Variants in RHOD observed in about 807,000 individuals in gnomAD.
RHOD encodes ras homolog family member D.
In RHOD, 11 loss-of-function variants were observed where a neutral mutation model predicts 16.7. The ratio of observed to expected loss-of-function variants is 0.66; its 90% confidence interval spans 0.41 to 1.09. RHOD has a LOEUF of 1.09. Among genes scored for constraint, RHOD ranks in the 50% least tolerant of loss-of-function variants. RHOD has a pLI of 0.00. For synonymous variants in RHOD, 124 were observed against 126.3 expected (o/e 0.98, Z 0.12); for missense variants, 271 against 291.7 (o/e 0.93, Z 0.52).
rs753596272 is a variant in RHOD at position 67,071,549 on chromosome 11, C to CGCGGTCGCAACTTCTG, written c.585_600dup (p.Arg201SerfsTer35). Reference sequence around the variant, plus strand: ...GGCCGCCGAGGTGGCCCTCAGCAGCCGCGGTCGCAACTTCTGGCGGCGGAT... The same window carrying CGCGGTCGCAACTTCTG: ...GGCCGCCGAGGTGGCCCTCAGCAGCCGCGGTCGCAACTTCTGGCGGTCGCAACTTCTGGCGGCGGAT... On this transcript the variant is annotated frameshift_variant, in exon 5 of 5. Coordinates refer to ENST00000308831, the MANE Select transcript of RHOD (RefSeq NM_014578.4). LOFTEE classifies it high-confidence loss of function. The CGCGGTCGCAACTTCTG allele has an allele frequency of 6.2e-7, 1 of 1,611,982 alleles. No homozygotes were observed. Among genetic ancestry groups the CGCGGTCGCAACTTCTG allele is most frequent in the Non-Finnish European group, 8.5e-7 (1 of 1,179,240 alleles).
chr11:67,064,021 C>T lies in RHOD; in HGVS notation c.133-1875C>T, dbSNP rs192116566. The stretch of plus-strand genomic sequence containing the variant: ...CTCGGGAGGCTGAGGCAGGAGAATC[C>T]CTTGAACCCAGAAGGCAGAGGTTGC... On this transcript the variant is annotated intron_variant, in intron 1 of 4. Transcript: ENST00000308831. Among the ~76,000 whole-genome samples, 1,127 of 142,000 alleles carry T rather than the reference C, an allele frequency of 7.9e-3. 9 individuals carry two copies. Among genetic ancestry groups the T allele is most frequent in the African/African-American group, 0.027 (1,038 of 38,288 alleles). 93.2% of individuals were successfully genotyped at this position (142,000 alleles called of 152,430 possible).
intron 1 of RHOD, 122 bp downstream of exon 1, chr11:67,057,156 T>G: frequency 8.2e-7 from 1 of 1,213,238 alleles, no homozygotes; most frequent in South Asian, 2.1e-5. Context: ...CAGCGGGGCC[T>G]GGGGTCCAGG....
chr11:67,059,557 A>AATAT (rs570236616), intron 1 of RHOD, among the ~76,000 whole-genome samples: 62 of 147,744 alleles, frequency 4.2e-4, no homozygotes, highest in African/African-American at 9.1e-4. Context: ...AATATATATA[A>AATAT]ATATATATAT....
At chr11:67,057,077 G>A in intron 1 of RHOD, 43 bp downstream of exon 1, 4 of 1,399,588 alleles carry the variant, frequency 2.9e-6, no homozygotes, top group Non-Finnish European at 3.7e-6. Flanking sequence ...CCGCTCGCGC[G>A]CCCGGGTGTA....
At chr11:67,064,365 A>G (rs1032129556) in intron 1 of RHOD, among the ~76,000 whole-genome samples, 3 of 150,546 alleles carry the variant, frequency 2.0e-5, no homozygotes, top group African/African-American at 4.9e-5. Flanking sequence ...AGATCACGCC[A>G]TTGCACTGCA....
rs1358529995 is a variant in RHOD, at chr11:67,063,683, C to T, written c.133-2213C>T. Among the ~76,000 whole-genome samples, 6 of 150,720 alleles carry T rather than the reference C, an allele frequency of 4.0e-5. No homozygotes were observed. In the East Asian group the frequency reaches 9.7e-4, roughly 24 times the overall value. ...GTGTGCTGGCGTGTGCTTGTAATCC[C>T]AGCTACTCACAAGGCTGAGGCAGAA... On this transcript the variant is annotated intron_variant, in intron 1 of 4. Transcript: ENST00000308831.
rs539426793 is a variant in RHOD at position 67,070,469 on chromosome 11, C to A, written c.375C>A (p.Ile125=). The A allele has an allele frequency of 6.2e-7, 1 of 1,613,990 alleles. No individual in the cohort carries two copies. The highest frequency in any genetic ancestry group is 1.3e-5 in the African/African-American group (1 of 74,994). ...VNHFCKKVPI[I]VVGCKTDLRK... ...ATTTCTGCAAGAAGGTACCCATCAT[C>A]GTCGTGGGCTGCAAGACTGACCTGC... Residue 125 remains isoleucine, a synonymous_variant, in exon 4 of 5, where the codon ATC becomes ATA. Transcript: ENST00000308831.
chr11:67,063,791 ACTCT>A (rs1854921142), intron 1 of RHOD, among the ~76,000 whole-genome samples: 3 of 107,780 alleles, frequency 2.8e-5, no homozygotes, highest in Non-Finnish European at 3.5e-5. Flanking sequence ...ACAGAGCAGG[ACTCT>A]CTCTCAAAAA....
intron 4 of RHOD, 36 bp from the exon 5 acceptor site, chr11:67,071,399 C>G (rs753122578): frequency 2.6e-6 from 4 of 1,543,714 alleles, no homozygotes; most frequent in East Asian, 2.3e-5. Context: ...TGCCCAGTGC[C>G]CCCTTCACCG....
chr11:67,067,822 C>T (rs1405841409), intron 3 of RHOD, among the ~76,000 whole-genome samples: 1 of 151,842 alleles, frequency 6.6e-6, no homozygotes, highest in Non-Finnish European at 1.5e-5. Flanking sequence ...TTTTTTGAAA[C>T]GGAGTCTTGC....
intron 1 of RHOD, among the ~76,000 whole-genome samples, chr11:67,058,876 T>C (rs1226049998): frequency 6.6e-6 from 1 of 152,038 alleles, no homozygotes; most frequent in African/African-American, 2.4e-5. Flanking sequence ...GGGGGAAACA[T>C]GTTTCTGGGC....
intron 3 of RHOD, chr11:67,070,204 T>C: frequency 3.2e-6 from 2 of 628,360 alleles, no homozygotes; most frequent in South Asian, 3.0e-5. Flanking sequence ...TACAGTGGGA[T>C]TGGTTGTGAA....
chr11:67,065,788 A>T (rs1196690127), intron 1 of RHOD, 108 bp from the exon 2 acceptor site: 18 of 706,508 alleles, frequency 2.5e-5, no homozygotes, highest in Non-Finnish European at 4.1e-5. Context: ...TCTCACAAAC[A>T]ACTACGCTCC....
intron 1 of RHOD, among the ~76,000 whole-genome samples, chr11:67,058,990 G>A (rs1590667681): frequency 6.6e-6 from 1 of 152,196 alleles, no homozygotes. Flanking sequence ...GATGGGCGGG[G>A]GCTGGAGGGC....
chr11:67,062,678 G>A (rs1202724911), intron 1 of RHOD, among the ~76,000 whole-genome samples: 1 of 152,218 alleles, frequency 6.6e-6, no homozygotes, highest in Non-Finnish European at 1.5e-5. Flanking sequence ...GCCCCTCCCA[G>A]CTGGCCAGGG....
intron 1 of RHOD, among the ~76,000 whole-genome samples, 190 bp from the exon 2 acceptor site, chr11:67,065,706 T>C (rs1004100762): frequency 6.6e-6 from 1 of 152,066 alleles, no homozygotes; most frequent in Non-Finnish European, 1.5e-5. Context: ...AGAACAAAGC[T>C]GGGGAGGTTC....
intron 2 of RHOD, among the ~76,000 whole-genome samples, chr11:67,066,292 C>A (rs1446627633): frequency 6.6e-6 from 1 of 152,230 alleles, no homozygotes; most frequent in Non-Finnish European, 1.5e-5. Context: ...ATCTGTCTGT[C>A]CGTGGCCTCT....
Position 67,065,995 on chromosome 11 carries a change from GGGGTGGGGCAGGGT to G in RHOD, c.220+16_220+29del. Reference sequence around the variant, plus strand: ...CTGGGACACAGCAGGTGGGTGTGCAGGGGTGGGGCAGGGTGGGAGGGGCTTCTGTGGGCCCCTGA... The same window carrying G: ...CTGGGACACAGCAGGTGGGTGTGCAGGGGAGGGGCTTCTGTGGGCCCCTGA... On this transcript the variant is annotated intron_variant, in intron 2 of 4. Transcript: ENST00000308831. 2.6e-6 allele frequency: 4 copies of G among 1,563,110 alleles called. No homozygotes were observed. Among genetic ancestry groups the G allele is most frequent in the South Asian group, 1.1e-5 (1 of 89,920 alleles).
chr11:67,065,946 A>G lies in RHOD; in HGVS notation c.183A>G (p.Lys61=), dbSNP rs1227502491. The G allele has an allele frequency of 9.8e-6, 15 of 1,538,332 alleles. No homozygotes were observed. The highest frequency in any genetic ancestry group is 1.2e-5 in the Non-Finnish European group (14 of 1,132,004). ...GGTACATGGTCAACCTGCAAGTGAA[A>G]GGCAAACCTGTGCACCTCCACATCT... ...FERYMVNLQV[K]GKPVHLHIWD... Residue 61 remains lysine, a synonymous_variant, in exon 2 of 5, where the codon AAA becomes AAG. Coordinates refer to ENST00000308831, the MANE Select transcript of RHOD (RefSeq NM_014578.4).
Sources: gnomAD v4.1 joint callset for allele counts (sites outside exome capture counted in the v4.1 genomes callset) on GRCh38, gnomAD v4.1.1 for gene constraint, MANE v1.5 for transcripts, NCBI Gene and HGNC (gene_info 2026-07-23, HGNC 2026-07-21) for gene names.